Variants in BCO1 observed in about 807,000 individuals in gnomAD.
BCO1 encodes the protein beta,beta-carotene 15,15'-dioxygenase.
BCO1 carries 54 observed loss-of-function variants against 56.3 expected under a neutral mutation model. The ratio of observed to expected loss-of-function variants is 0.96; its 90% CI spans 0.77 to 1.20. The LOEUF (loss-of-function observed/expected upper bound fraction) is 1.20. Among genes scored for constraint, BCO1 ranks in the 50% most tolerant of loss-of-function variants. The probability of loss-of-function intolerance (pLI) is 0.00; values close to 1 mark genes in which losing one functional copy is unlikely to be tolerated. For missense variants in BCO1, 801 were observed against 690.9 expected (o/e 1.16, Z -1.79); for synonymous variants, 318 against 266.1 (o/e 1.20, Z -1.90).
At chr16:81,275,248 C>T (rs562718503) in intron 7 of BCO1, among the ~76,000 whole-genome samples, 1 of 152,348 alleles carries the variant, frequency 6.6e-6, no homozygotes, top group African/African-American at 2.4e-5. Flanking sequence ...GAAACCCTGT[C>T]CTCCTGGGCT....
At chr16:81,259,169 G>C (rs180801368) in intron 2 of BCO1, among the ~76,000 whole-genome samples, 20 of 152,286 alleles carry the variant, frequency 1.3e-4, no homozygotes, top group African/African-American at 4.3e-4. Context: ...CCATACTGTT[G>C]TGAGTCAGGA....
In BCO1 at chr16:81,290,634, G is replaced by T; in HGVS notation, c.*57G>T. 2 of 1,411,408 alleles carry T rather than the reference G, an allele frequency of 1.4e-6. No homozygotes were observed. Among genetic ancestry groups the T allele is most frequent in the East Asian group, 2.3e-5 (1 of 43,726 alleles). The allele number at this position is 1,411,408 out of a possible 1,614,324, so 87.4% of individuals were successfully genotyped here. A position where few individuals can be genotyped will look rare whatever the true frequency, so the allele number is the denominator to read the frequency against. On this transcript the variant is annotated 3_prime_UTR_variant, in exon 11 of 11. Transcript: ENST00000258168. ...TCGGCTGTCAGAACTCCATGGATAT[G>T]TTTCTTTGGATGGAGGGGAGGGCCT...
At chr16:81,251,834 C>CCA (rs146949793) in intron 2 of BCO1, among the ~76,000 whole-genome samples, 68 of 144,942 alleles carry the variant, frequency 4.7e-4, no homozygotes, top group South Asian at 2.0e-3. Context: ...TTATATATAC[C>CCA]CACACACACA....
At chr16:81,265,382 C>A (rs1317937359) in intron 5 of BCO1, among the ~76,000 whole-genome samples, 1 of 148,816 alleles carries the variant, frequency 6.7e-6, no homozygotes, top group East Asian at 2.0e-4. Context: ...CACCATGAAT[C>A]CATTCAACCA....
Position 81,238,742 on chromosome 16 carries a change from A to G in BCO1, c.-167A>G, listed in dbSNP as rs1320004392. The G allele has an allele frequency of 7.1e-6, 5 of 706,320 alleles. No individual in the cohort carries two copies. In the East Asian group the frequency reaches 1.4e-4, roughly 19 times the overall value. 43.8% of individuals were successfully genotyped at this position (706,320 alleles called of 1,614,324 possible). A position where few individuals can be genotyped will look rare whatever the true frequency, so the allele number is the denominator to read the frequency against. ...GAGAGGGACAAGTGAGAGCCAGCCA[A>G]AAAGGAAAAAGCAAAGGCAGAAACG... On this transcript the variant is annotated 5_prime_UTR_variant, in exon 1 of 11. Coordinates refer to ENST00000258168, the MANE Select transcript of BCO1 (RefSeq NM_017429.3).
At chr16:81,251,853 C>G (rs1905818886) in intron 2 of BCO1, among the ~76,000 whole-genome samples, 1 of 129,364 alleles carries the variant, frequency 7.7e-6, no homozygotes, top group East Asian at 2.1e-4. Context: ...CACACACACG[C>G]ACACACACAC....
intron 7 of BCO1, among the ~76,000 whole-genome samples, chr16:81,273,710 G>A (rs1297178060): frequency 1.3e-5 from 2 of 150,442 alleles, no homozygotes; most frequent in African/African-American, 4.9e-5. Context: ...TCACTACCCA[G>A]TAGAAAGCTG....
intron 2 of BCO1, among the ~76,000 whole-genome samples, chr16:81,250,507 G>C (rs1223680311): frequency 6.6e-6 from 1 of 151,672 alleles, no homozygotes; most frequent in Non-Finnish European, 1.5e-5. Context: ...GGAAGTTGGG[G>C]TCCCTGATAA....
intron 7 of BCO1, among the ~76,000 whole-genome samples, chr16:81,274,047 C>G (rs1907400111): frequency 6.6e-6 from 1 of 152,160 alleles, no homozygotes; most frequent in Non-Finnish European, 1.5e-5. Context: ...CGCAGTGCAG[C>G]CCCTCAGACT....
chr16:81,255,803 C>A lies in BCO1; in HGVS notation c.194-3873C>A, dbSNP rs140568311. 5.0e-3 allele frequency among the ~76,000 whole-genome samples: 751 copies of A among 151,302 alleles called. 9 individuals carry two copies. The highest frequency in any genetic ancestry group is 0.018 in the African/African-American group (721 of 41,188). ...TATAGGAGTGAGCCACCATGCCCAG[C>A]CTTTCTTTCTTTCTTTTTATTTATT... is the stretch of plus-strand genomic sequence containing the variant. On this transcript the variant is annotated intron_variant, in intron 2 of 10. Transcript: ENST00000258168.
chr16:81,288,452 A>T (rs949660178), intron 10 of BCO1, among the ~76,000 whole-genome samples: 2 of 152,062 alleles, frequency 1.3e-5, no homozygotes, highest in African/African-American at 4.8e-5. Flanking sequence ...TTTTGTAAAG[A>T]AAGGGTCTCA....
intron 6 of BCO1, among the ~76,000 whole-genome samples, chr16:81,269,501 C>G (rs948691115): frequency 6.6e-6 from 1 of 151,986 alleles, no homozygotes; most frequent in African/African-American, 2.4e-5. Context: ...GAGTTCCATG[C>G]TTGTCGCCTA....
At chr16:81,253,198 A>G (rs1301295745) in intron 2 of BCO1, among the ~76,000 whole-genome samples, 1 of 152,128 alleles carries the variant, frequency 6.6e-6, no homozygotes, top group East Asian at 1.9e-4. Context: ...CTGAGGCTCG[A>G]TGAGATTAAG....
chr16:81,261,463 T>C (rs1397901769), intron 3 of BCO1, among the ~76,000 whole-genome samples: 1 of 152,212 alleles, frequency 6.6e-6, no homozygotes, highest in Non-Finnish European at 1.5e-5. Flanking sequence ...AAAGCAGATA[T>C]CAGCTACGTT....
At chr16:81,276,348 C>T (rs1286378234) in intron 7 of BCO1, among the ~76,000 whole-genome samples, 1 of 152,198 alleles carries the variant, frequency 6.6e-6, no homozygotes, top group African/African-American at 2.4e-5. Context: ...GCTTCCACCC[C>T]CACCCCAACC....
rs1459543837 is a variant in BCO1 at position 81,285,623 on chromosome 16, A to G, written c.1291A>G (p.Ile431Val). The part of the protein sequence containing the change: ...VFATGVQWSP[I>V]PTKIIKYDIL... Reference sequence around the variant, plus strand: ...TGCTACAGGAGTTCAGTGGAGTCCAATCCCAACCAAGGTACTGGTCTCTGT... The same window carrying G: ...TGCTACAGGAGTTCAGTGGAGTCCAGTCCCAACCAAGGTACTGGTCTCTGT... Residue 431 changes from isoleucine to valine, a missense_variant, in exon 9 of 11, where the codon ATC becomes GTC. Ile to Val is a conservative substitution (Grantham distance 29). Transcript: ENST00000258168. 1.2e-6 allele frequency: 2 copies of G among 1,604,288 alleles called. No individual in the cohort carries two copies. The highest frequency in any genetic ancestry group is 1.1e-5 in the South Asian group (1 of 90,910).
intron 8 of BCO1, among the ~76,000 whole-genome samples, chr16:81,282,107 G>A (rs1196166590): frequency 3.3e-5 from 5 of 152,226 alleles, no homozygotes; most frequent in Admixed American, 2.6e-4. Flanking sequence ...GGCTGGGCAC[G>A]GTGGCTCACG....
chr16:81,249,025 C>A (rs1474580957), intron 2 of BCO1, among the ~76,000 whole-genome samples: 1 of 151,816 alleles, frequency 6.6e-6, no homozygotes, highest in East Asian at 1.9e-4. Context: ...AAAAAAAGCA[C>A]CAGTGGTTTT....
chr16:81,246,839 A>C (rs1228898036), intron 2 of BCO1, among the ~76,000 whole-genome samples: 1 of 141,954 alleles, frequency 7.0e-6, no homozygotes, highest in Non-Finnish European at 1.5e-5. Flanking sequence ...AGACAGAGCC[A>C]GACTTTGTCT....
Sources: gnomAD v4.1 joint callset for allele counts (sites outside exome capture counted in the v4.1 genomes callset) on GRCh38, gnomAD v4.1.1 for gene constraint, MANE v1.5 for transcripts, NCBI Gene and HGNC (gene_info 2026-07-23, HGNC 2026-07-21) for gene names.